The following ACAD9 variants were observed in gnomAD, a reference collection of about 807,000 sequenced individuals.
ACAD9 encodes the protein acyl-CoA dehydrogenase family member 9, also known as complex I assembly factor ACAD9, mitochondrial.
ACAD9 carries 53 observed loss-of-function variants against 70.2 expected under a neutral mutation model. The observed-to-expected ratio is 0.75, with a 90% CI of 0.61 to 0.95. The LOEUF (loss-of-function observed/expected upper bound fraction) is 0.95. ACAD9 is among the 40% of genes least tolerant of loss of function. The probability of loss-of-function intolerance (pLI) is 0.00; values close to 1 mark genes in which losing one functional copy is unlikely to be tolerated. For missense variants in ACAD9, 777 were observed against 802.8 expected, an observed-to-expected ratio of 0.97 and a Z score of 0.39; for synonymous variants, 313 against 312.1, an observed-to-expected ratio of 1.00 and a Z score of -0.03.
At chr3:128,885,246 G>C (rs565702548) in intron 2 of ACAD9, among the ~76,000 whole-genome samples, 1 of 152,340 alleles carries the variant, frequency 6.6e-6, no homozygotes, top group East Asian at 1.9e-4. Context: ...AGAGCTGTTG[G>C]CCGGTCCTCC....
intron 2 of ACAD9, among the ~76,000 whole-genome samples, chr3:128,892,631 T>C (rs1475335029): frequency 6.6e-6 from 1 of 152,202 alleles, no homozygotes; most frequent in Non-Finnish European, 1.5e-5. Context: ...CAAGTGATCC[T>C]TCCACCTGAG....
At position 128,908,494 on chromosome 3, in the gene ACAD9, C is replaced by T. The variant is rs1576348499; in HGVS notation, c.1358+230C>T. The T allele has an allele frequency of 1.2e-5, 7 of 607,022 alleles. No individual in the cohort carries two copies. In the South Asian group the frequency reaches 1.2e-4, roughly 10 times the overall value. 37.6% of individuals were successfully genotyped at this position (607,022 alleles called of 1,614,324 possible). A position where few individuals can be genotyped will look rare whatever the true frequency, so the allele number is the denominator to read the frequency against. ...CACCCTACAGCTTCAGCATAAATACCGTATCCCCCATCTGGTCCCTCACAC... is the reference window on the plus strand; with the variant it reads ...CACCCTACAGCTTCAGCATAAATACTGTATCCCCCATCTGGTCCCTCACAC... On this transcript the variant is annotated intron_variant, in intron 13 of 17. Transcript: ENST00000308982.
At position 128,905,100 on chromosome 3, in the gene ACAD9, G is replaced by A. The variant is rs547275817; in HGVS notation, c.1149+595G>A. Reference sequence around the variant, plus strand: ...GGGGCGGAGGTTGCAGTGAGCCGAGGTTGTGCCATTGCACACCAGCCTAGG... The same window carrying A: ...GGGGCGGAGGTTGCAGTGAGCCGAGATTGTGCCATTGCACACCAGCCTAGG... On this transcript the variant is annotated intron_variant, in intron 11 of 17. Transcript: ENST00000308982. 2.0e-5 allele frequency among the ~76,000 whole-genome samples: 3 copies of A among 152,116 alleles called. No homozygotes were observed. In the South Asian group the frequency reaches 6.2e-4, roughly 32 times the overall value.
intron 15 of ACAD9, 80 bp from the exon 16 acceptor site, chr3:128,909,941 C>T: frequency 6.3e-7 from 1 of 1,580,916 alleles, no homozygotes; most frequent in Non-Finnish European, 8.6e-7. Flanking sequence ...CTAAGACAGG[C>T]AAAGATGCAG....
At chr3:128,899,672 T>C (rs1308063879) in intron 7 of ACAD9, among the ~76,000 whole-genome samples, 1 of 152,250 alleles carries the variant, frequency 6.6e-6, no homozygotes, top group Non-Finnish European at 1.5e-5. Context: ...GAATGCCACT[T>C]GGGCTTTGTC....
chr3:128,891,418 C>T lies in ACAD9; in HGVS notation c.245-2137C>T, dbSNP rs559613117. Among the ~76,000 whole-genome samples, 464 of 152,212 alleles carry T rather than the reference C, an allele frequency of 3.0e-3. 2 individuals carry two copies. Among genetic ancestry groups the T allele is most frequent in the African/African-American group, 0.011 (443 of 41,536 alleles). On this transcript the variant is annotated intron_variant, in intron 2 of 17. Coordinates refer to ENST00000308982, the MANE Select transcript of ACAD9 (RefSeq NM_014049.5). ...GTCAGATCACCTGAGGTCAGGAGTT[C>T]GAGACCAGTCTGGCCAACAGGGTGA...
intron 17 of ACAD9, 84 bp from the exon 18 acceptor site, chr3:128,912,423 T>C (rs1576362248): frequency 7.9e-7 from 1 of 1,262,874 alleles, no homozygotes; most frequent in East Asian, 2.4e-5. Flanking sequence ...GGGCTGACTT[T>C]GTGGAAAAAT....
Position 128,913,093 on chromosome 3 carries a change from T to C in ACAD9, c.*486T>C, listed in dbSNP as rs1425511342. 1 of 452,534 alleles carries C rather than the reference T, an allele frequency of 2.2e-6. No individual in the cohort carries two copies. Among genetic ancestry groups the C allele is most frequent in the Non-Finnish European group, 4.4e-6 (1 of 225,164 alleles). 28.0% of individuals were successfully genotyped at this position (452,534 alleles called of 1,614,324 possible). On this transcript the variant is annotated 3_prime_UTR_variant, in exon 18 of 18. Coordinates refer to ENST00000308982, the MANE Select transcript of ACAD9 (RefSeq NM_014049.5). ...GAACCATTTAACAAAGAATATAAAA[T>C]GTCACAATCTGTGTACTGTTAGCCT...
intron 1 of ACAD9, among the ~76,000 whole-genome samples, chr3:128,880,797 A>G (rs1935067110): frequency 6.6e-6 from 1 of 152,202 alleles, no homozygotes; most frequent in South Asian, 2.1e-4. Context: ...CTTAAACTGT[A>G]GAGTACTGTG....
chr3:128,900,762 G>A (rs1935714551), intron 7 of ACAD9, among the ~76,000 whole-genome samples: 1 of 152,148 alleles, frequency 6.6e-6, no homozygotes, highest in African/African-American at 2.4e-5. Flanking sequence ...GGGAAAGGGA[G>A]GGAGGTCCAT....
At chr3:128,909,699 G>A (rs374197398) in intron 15 of ACAD9, 17 of 600,616 alleles carry the variant, frequency 2.8e-5, no homozygotes, top group African/African-American at 2.6e-4. Flanking sequence ...GCTCCACCTG[G>A]GGCCTGAATC....
chr3:128,880,525 T>G (rs982239936), intron 1 of ACAD9, among the ~76,000 whole-genome samples: 2 of 150,316 alleles, frequency 1.3e-5, no homozygotes, highest in African/African-American at 4.9e-5. Flanking sequence ...CCGGAGTAGC[T>G]GGGATTACAG....
In ACAD9 at chr3:128,902,597, C is replaced by T. The variant is rs760322963; in HGVS notation, c.927C>T (p.Ser309=). ...ILNSGRFSMG[S]VVAGLLKRLI... is the part of the protein sequence containing the mutation. ...ACAGCGGCCGGTTCAGCATGGGCAG[C>T]GTCGTGGCTGGGCTGCTCAAGAGAT... is the stretch of plus-strand genomic sequence containing the variant. Residue 309 remains serine, a synonymous_variant, in exon 9 of 18, where the codon AGC becomes AGT. Coordinates refer to ENST00000308982, the MANE Select transcript of ACAD9 (RefSeq NM_014049.5). This position sits in a 1 kb window ranked among gnomAD's most constrained non-coding sequence, Gnocchi z 4.0. 1.2e-5 allele frequency: 19 copies of T among 1,614,042 alleles called. No individual in the cohort carries two copies. The highest frequency in any genetic ancestry group is 2.2e-5 in the South Asian group (2 of 91,086).
intron 9 of ACAD9, among the ~76,000 whole-genome samples, chr3:128,903,216 C>T (rs1005169309): frequency 1.2e-4 from 19 of 152,316 alleles, no homozygotes; most frequent in Admixed American, 3.9e-4. Context: ...TGGGGGTACC[C>T]GGGGCAGCAC....
At position 128,884,726 on chromosome 3, in the gene ACAD9, A is replaced by T. The variant is rs1365841573; in HGVS notation, c.224A>T (p.Glu75Val). 6.2e-7 allele frequency: 1 copy of T among 1,613,404 alleles called. No homozygotes were observed. Among genetic ancestry groups the T allele is most frequent in the Non-Finnish European group, 8.5e-7 (1 of 1,179,684 alleles). The change falls in exon 2 of 18, where the codon GAA (glutamate) becomes GTA (valine). Residue 75 changes from glutamate (E) to valine (V), a missense_variant. Physicochemically the swap from Glu to Val is moderately radical, Grantham distance 121. Transcript: ENST00000308982. Reference protein sequence around the residue: ...NEINQFLGPVEKFFTEEVDSR... With the variant: ...NEINQFLGPVVKFFTEEVDSR... ...ATCAATCAGTTCTTGGGACCCGTGG[A>T]AAAATTCTTCACTGAAGAGGGTATG...
At chr3:128,901,219 G>A in intron 7 of ACAD9, 57 bp from the exon 8 acceptor site, 1 of 1,500,980 alleles carries the variant, frequency 6.7e-7, no homozygotes, top group South Asian at 1.2e-5. Context: ...CTGCTTGCAG[G>A]TCAGATGCAG....
At chr3:128,893,175 G>A (rs796153493) in intron 2 of ACAD9, among the ~76,000 whole-genome samples, 58 of 149,616 alleles carry the variant, frequency 3.9e-4, no homozygotes, top group African/African-American at 1.3e-3. Flanking sequence ...GCAAGACCTC[G>A]TCTCTACTGA....
chr3:128,912,900 G>A lies in ACAD9; in HGVS notation c.*293G>A. The A allele has an allele frequency of 1.7e-6, 1 of 579,222 alleles. No homozygotes were observed. Among genetic ancestry groups the A allele is most frequent in the South Asian group, 1.4e-5 (1 of 71,404 alleles). 35.9% of individuals were successfully genotyped at this position (579,222 alleles called of 1,614,324 possible). ...TGGTCATTGAGGAGACACCATAGTG[G>A]AAACTGGGGCTTATGCTGCTGCCTC... On this transcript the variant is annotated 3_prime_UTR_variant, in exon 18 of 18. Transcript: ENST00000308982.
At chr3:128,911,812 G>GAGAC in intron 17 of ACAD9, among the ~76,000 whole-genome samples, 1 of 152,332 alleles carries the variant, frequency 6.6e-6, no homozygotes, top group East Asian at 1.9e-4. Context: ...CCTGATTCTG[G>GAGAC]AGACAGCATT....
Sources: gnomAD v4.1 joint callset for allele counts (sites outside exome capture counted in the v4.1 genomes callset) on GRCh38, gnomAD v4.1.1 for gene constraint, Gnocchi (gnomAD v3.1) non-coding constraint, MANE v1.5 for transcripts, NCBI Gene and HGNC (gene_info 2026-07-23, HGNC 2026-07-21) for gene names.